The following RBFOX1 variants were observed in gnomAD, a reference collection of about 807,000 sequenced individuals.
RBFOX1 encodes RNA binding protein fox-1 homolog 1.
In RBFOX1, 8 loss-of-function variants were observed where a neutral mutation model predicts 57.7. The observed-to-expected ratio is 0.14, with a 90% CI of 0.08 to 0.25. The LOEUF is 0.25. Ranked by LOEUF, RBFOX1 falls within the 10% of genes least tolerant of loss-of-function variation. The pLI is 1.00. For synonymous variants in RBFOX1, 326 were observed against 222.4 expected (o/e 1.47, Z -4.15); for missense variants, 611 against 548.5 (o/e 1.11, Z -1.14).
At chr16:7,149,312 G>A (rs1408692165) in intron 4 of RBFOX1, among the ~76,000 whole-genome samples, 1 of 152,016 alleles carries the variant, frequency 6.6e-6, no homozygotes, top group Non-Finnish European at 1.5e-5. Flanking sequence ...TACCACTCAG[G>A]ATGCAGGGTA....
At chr16:7,194,656 A>C (rs188934531) in intron 4 of RBFOX1, among the ~76,000 whole-genome samples, 1 of 152,210 alleles carries the variant, frequency 6.6e-6, no homozygotes, top group African/African-American at 2.4e-5. Flanking sequence ...GCCCAGGCAC[A>C]GTGGCTCATG....
intron 1 of RBFOX1, among the ~76,000 whole-genome samples, chr16:6,031,525 G>T (rs2095289197): frequency 1.3e-5 from 2 of 152,222 alleles, no homozygotes; most frequent in Non-Finnish European, 2.9e-5. Flanking sequence ...GTGCCTCTGT[G>T]TGTGCATGTG....
chr16:7,484,933 C>G (rs1037095998), intron 4 of RBFOX1, among the ~76,000 whole-genome samples: 10 of 152,124 alleles, frequency 6.6e-5, no homozygotes, highest in Admixed American at 6.5e-4. Flanking sequence ...TTGTCCCAAC[C>G]CATATGCCCC....
rs149520604 is a variant in RBFOX1 at position 7,536,277 on chromosome 16, T to G, written c.270+17888T>G. Among the ~76,000 whole-genome samples, 767 of 152,286 alleles carry G rather than the reference T, an allele frequency of 5.0e-3. 18 individuals carry two copies. Among genetic ancestry groups the G allele is most frequent in the Admixed American group, 0.034 (523 of 15,290 alleles). ...TCAAAGCGGAGATGCATTCAAGACT[T>G]CCTTAAAGAAGTGACTTTTAACATG... On this transcript the variant is annotated intron_variant, in intron 5 of 15. Transcript: ENST00000550418.
At chr16:5,524,716 T>C (rs989511861) in intron 2 of RBFOX1, among the ~76,000 whole-genome samples, 20 of 151,998 alleles carry the variant, frequency 1.3e-4, no homozygotes. Flanking sequence ...AATTTTTGTA[T>C]TTTTAGTAGA....
intron 3 of RBFOX1, among the ~76,000 whole-genome samples, chr16:6,718,302 G>C (rs1344799624): frequency 6.6e-6 from 1 of 152,200 alleles, no homozygotes; most frequent in Admixed American, 6.5e-5. Flanking sequence ...GAATGGAACA[G>C]ACGTGCCCTT....
intron 3 of RBFOX1, among the ~76,000 whole-genome samples, chr16:5,646,791 C>G (rs538913687): frequency 2.6e-5 from 4 of 152,152 alleles, no homozygotes; most frequent in East Asian, 3.9e-4. Flanking sequence ...CCCATCACCA[C>G]GCTTGGCTAA....
At chr16:7,072,095 C>T (rs535382438) in intron 4 of RBFOX1, among the ~76,000 whole-genome samples, 2 of 152,224 alleles carry the variant, frequency 1.3e-5, no homozygotes, top group Non-Finnish European at 2.9e-5. Flanking sequence ...AGTCTTTGTT[C>T]CTTTTACGGT....
At position 7,237,981 on chromosome 16, in the gene RBFOX1, G is replaced by T. The variant is rs376442232; in HGVS notation, c.27+185883G>T. On this transcript the variant is annotated intron_variant, in intron 4 of 15. Transcript: ENST00000550418. The stretch of plus-strand genomic sequence containing the variant: ...GTCGCGTCCCTGCACGCAAGCCTAG[G>T]CAAGAAAGCAAGACCCTGTCTCAAA... Among the ~76,000 whole-genome samples the T allele has an allele frequency of 6.6e-5, 10 of 152,308 alleles. No homozygotes were observed. The East Asian group carries it at 1.9e-3, about 29-fold the overall frequency.
At chr16:7,516,860 GTCA>G (rs1321428916) in intron 4 of RBFOX1, among the ~76,000 whole-genome samples, 2 of 151,052 alleles carry the variant, frequency 1.3e-5, no homozygotes, top group African/African-American at 4.9e-5. Flanking sequence ...TCTTCTTTCT[GTCA>G]TCATGTTTTT....
chr16:6,802,938 A>G (rs2085838234), intron 3 of RBFOX1, among the ~76,000 whole-genome samples: 1 of 152,192 alleles, frequency 6.6e-6, no homozygotes, highest in South Asian at 2.1e-4. Flanking sequence ...TATTTATTGA[A>G]GAGGGAAGAT....
chr16:7,034,827 C>CTTTTTTTTTTTCTTTTTTTTT (rs2043824001), intron 3 of RBFOX1, among the ~76,000 whole-genome samples: 6 of 54,110 alleles, frequency 1.1e-4, no homozygotes, highest in Non-Finnish European at 1.6e-4. Flanking sequence ...TATTGCATTA[C>CTTTTTTTTTTTCTTTTTTTTT]TTTTTTTTTT....
At chr16:7,041,970 C>G (rs1246733116) in intron 3 of RBFOX1, among the ~76,000 whole-genome samples, 1 of 152,114 alleles carries the variant, frequency 6.6e-6, no homozygotes, top group Non-Finnish European at 1.5e-5. Context: ...ATATGGCTAA[C>G]GTTACTTAGG....
chr16:6,892,906 T>G (rs1235900924), intron 3 of RBFOX1, among the ~76,000 whole-genome samples: 1 of 151,662 alleles, frequency 6.6e-6, no homozygotes, highest in Non-Finnish European at 1.5e-5. Flanking sequence ...TCACTCTCAG[T>G]CTTTGCTCCT....
intron 3 of RBFOX1, among the ~76,000 whole-genome samples, chr16:6,702,204 G>A (rs2154142870): frequency 6.6e-6 from 1 of 152,242 alleles, no homozygotes; most frequent in South Asian, 2.1e-4. Context: ...CCTCCCAGTA[G>A]ACCCACCTCC....
At chr16:5,586,422 T>C (rs2046830735) in intron 2 of RBFOX1, among the ~76,000 whole-genome samples, 1 of 152,216 alleles carries the variant, frequency 6.6e-6, no homozygotes, top group Admixed American at 6.5e-5. Context: ...CTAAGAGCTT[T>C]ATATATGTTA....
chr16:7,586,226 G>A lies in RBFOX1; in HGVS notation c.415-1021G>A, dbSNP rs1848173. On this transcript the variant is annotated intron_variant, in intron 6 of 15. Coordinates refer to ENST00000550418, the MANE Select transcript of RBFOX1 (RefSeq NM_018723.4). Reference sequence around the variant, plus strand: ...TGATTTTACATTACCCTCTCTCTCAGTTGCTCGTACTTATGCAGGTTAGGC... The same window carrying A: ...TGATTTTACATTACCCTCTCTCTCAATTGCTCGTACTTATGCAGGTTAGGC... Among the ~76,000 whole-genome samples, 14 of 152,086 alleles carry A rather than the reference G, an allele frequency of 9.2e-5. 1 individual carries two copies. The South Asian group carries it at 2.9e-3, about 32-fold the overall frequency.
chr16:7,587,192 G>C, intron 6 of RBFOX1, 55 bp from the exon 7 acceptor site: 3 of 1,450,530 alleles, frequency 2.1e-6, no homozygotes, highest in African/African-American at 2.9e-5. Context: ...ACTGTACATA[G>C]TAATGTCTAC....
chr16:7,345,684 G>A (rs766464602), intron 4 of RBFOX1, among the ~76,000 whole-genome samples: 5 of 152,240 alleles, frequency 3.3e-5, no homozygotes, highest in East Asian at 1.9e-4. Context: ...TGATGGAGCC[G>A]TCTGGGGATG....
Sources: gnomAD v4.1 joint callset for allele counts (sites outside exome capture counted in the v4.1 genomes callset) on GRCh38, gnomAD v4.1.1 for gene constraint, MANE v1.5 for transcripts, NCBI Gene and HGNC (gene_info 2026-07-23, HGNC 2026-07-21) for gene names.